The following ENTREP2 variants were observed in gnomAD, a reference collection of about 807,000 sequenced individuals.
ENTREP2 encodes the protein endosomal transmembrane epsin interactor 2, also known as protein ENTREP2.
At chr15:29,157,368 G>A in the ENTREP2 span, among the ~76,000 whole-genome samples, 6 of 152,168 alleles carry the variant, frequency 3.9e-5, no homozygotes, top group Non-Finnish European at 8.8e-5. Flanking sequence ...GGGCCTGGGG[G>A]CCTCCGCAGG....
chr15:29,396,186 T>C, the ENTREP2 span, among the ~76,000 whole-genome samples: 3 of 152,216 alleles, frequency 2.0e-5, no homozygotes, highest in Non-Finnish European at 2.9e-5. Flanking sequence ...ATAGTCACTA[T>C]GCTGTACATT....
chr15:29,344,918 A>G, the ENTREP2 span, among the ~76,000 whole-genome samples: 1 of 143,272 alleles, frequency 7.0e-6, no homozygotes, highest in African/African-American at 2.8e-5. Context: ...TGGATTAAAC[A>G]CGCACGCGCG....
chr15:29,363,598 C>A, the ENTREP2 span, among the ~76,000 whole-genome samples: 2 of 152,040 alleles, frequency 1.3e-5, no homozygotes, highest in Non-Finnish European at 1.5e-5. Context: ...AATAAAAAAA[C>A]CACTAATCCA....
At chr15:29,506,050 C>G in the ENTREP2 span, among the ~76,000 whole-genome samples, 1 of 151,990 alleles carries the variant, frequency 6.6e-6, no homozygotes, top group Non-Finnish European at 1.5e-5. Flanking sequence ...GAATAGCCAG[C>G]TTAGAGAAGA....
At chr15:29,432,582 CA>C in the ENTREP2 span, among the ~76,000 whole-genome samples, 5 of 152,242 alleles carry the variant, frequency 3.3e-5, no homozygotes, top group Non-Finnish European at 7.3e-5. Flanking sequence ...TTGCTGGGAT[CA>C]GGACCCTGGG....
the ENTREP2 span, among the ~76,000 whole-genome samples, chr15:29,161,623 T>C: frequency 6.6e-6 from 1 of 152,228 alleles, no homozygotes; most frequent in Non-Finnish European, 1.5e-5. Context: ...TTTGCTACTC[T>C]GTATGGTAGA....
At chr15:29,377,658 C>T in the ENTREP2 span, among the ~76,000 whole-genome samples, 1 of 151,850 alleles carries the variant, frequency 6.6e-6, no homozygotes, top group South Asian at 2.1e-4. Context: ...CCTGTCTCTA[C>T]TGAAAATACA....
chr15:29,647,583 T>G, the ENTREP2 span, among the ~76,000 whole-genome samples: 1 of 152,182 alleles, frequency 6.6e-6, no homozygotes, highest in African/African-American at 2.4e-5. Flanking sequence ...ATATAGTCGA[T>G]AGGTATTTTC....
At chr15:29,268,558 T>G in the ENTREP2 span, 1 of 452,064 alleles carries the variant, frequency 2.2e-6, no homozygotes, top group Non-Finnish European at 3.8e-6. Context: ...GCAAAATTTT[T>G]TATACCAAAA....
At chr15:29,479,107 T>C in the ENTREP2 span, among the ~76,000 whole-genome samples, 3 of 146,950 alleles carry the variant, frequency 2.0e-5, no homozygotes, top group South Asian at 2.2e-4. Context: ...CTTGGGAGGC[T>C]GAGGCAGGAG....
the ENTREP2 span, among the ~76,000 whole-genome samples, chr15:29,600,238 A>G: frequency 0.62 from 94,686 of 152,120 alleles, 32,215 homozygotes; most frequent in South Asian, 0.8. Flanking sequence ...GTCAAAAAAA[A>G]AAGATGCTGG....
chr15:29,656,018 C>T, the ENTREP2 span, among the ~76,000 whole-genome samples: 4 of 134,010 alleles, frequency 3.0e-5, no homozygotes, highest in East Asian at 2.1e-4. Flanking sequence ...AGCAACACTC[C>T]GTTTAAAAAA....
At chr15:29,158,935 GTTATGGAT>G in the ENTREP2 span, among the ~76,000 whole-genome samples, 1 of 151,786 alleles carries the variant, frequency 6.6e-6, no homozygotes, top group Non-Finnish European at 1.5e-5. Flanking sequence ...GTCTACGTAA[GTTATGGAT>G]ATTAATAATA....
At chr15:29,552,345 T>C in the ENTREP2 span, among the ~76,000 whole-genome samples, 2 of 152,078 alleles carry the variant, frequency 1.3e-5, no homozygotes, top group Non-Finnish European at 2.9e-5. Context: ...ATAACAAATA[T>C]ACAGAGTTAT....
At chr15:29,585,028 T>C in the ENTREP2 span, among the ~76,000 whole-genome samples, 3 of 138,102 alleles carry the variant, frequency 2.2e-5, no homozygotes, top group East Asian at 2.0e-4. Context: ...GATAGATAGA[T>C]AGATGATGGA....
chr15:29,294,293 C>T, the ENTREP2 span, among the ~76,000 whole-genome samples: 4 of 152,340 alleles, frequency 2.6e-5, no homozygotes, highest in African/African-American at 9.6e-5. Flanking sequence ...GGCAGACTCC[C>T]GTTAGTGGCC....
the ENTREP2 span, chr15:29,234,705 A>T: frequency 6.5e-7 from 1 of 1,536,828 alleles, no homozygotes; most frequent in South Asian, 1.1e-5. Flanking sequence ...ATAATCTCAT[A>T]AGTAGTTCCA....
chr15:29,590,698 A>AG, the ENTREP2 span, among the ~76,000 whole-genome samples: 2 of 151,134 alleles, frequency 1.3e-5, no homozygotes, highest in Admixed American at 6.6e-5. Flanking sequence ...AAAAAAAAAA[A>AG]AAAAAAGAAA....
chr15:29,338,900 C>CCT, the ENTREP2 span, among the ~76,000 whole-genome samples: 2 of 17,762 alleles, frequency 1.1e-4, no homozygotes, highest in East Asian at 1.7e-3. Flanking sequence ...AAATAATACT[C>CCT]CCCACTCAGT....
Sources: allele counts gnomAD v4.1 joint callset (sites outside exome capture counted in the v4.1 genomes callset), GRCh38; gene constraint gnomAD v4.1.1; transcripts MANE v1.5; gene names NCBI Gene and HGNC (gene_info 2026-07-23, HGNC 2026-07-21).